The following RBFOX1 variants were observed in gnomAD, a reference collection of about 807,000 sequenced individuals.
RBFOX1 encodes the protein RNA binding fox-1 homolog 1, also known as RNA binding protein fox-1 homolog 1.
In RBFOX1, 8 loss-of-function variants were observed where a neutral mutation model predicts 57.7. The observed-to-expected ratio is 0.14, with a 90% confidence interval of 0.08 to 0.25. The LOEUF (loss-of-function observed/expected upper bound fraction) is 0.25, where lower values mean the gene tolerates loss of function less well. Ranked by LOEUF, RBFOX1 falls within the 10% of genes least tolerant of loss-of-function variation. The probability of loss-of-function intolerance (pLI) is 1.00; values close to 1 mark genes in which losing one functional copy is unlikely to be tolerated. For missense variants in RBFOX1, 611 were observed against 548.5 expected (o/e 1.11, Z -1.14); for synonymous variants, 326 against 222.4 (o/e 1.47, Z -4.15).
intron 4 of RBFOX1, among the ~76,000 whole-genome samples, chr16:7,438,233 C>T (rs1323648743): frequency 2.0e-5 from 3 of 152,054 alleles, no homozygotes; most frequent in African/African-American, 4.8e-5. Context: ...TTCTTCATGT[C>T]CTCTCTCTAT....
chr16:7,143,821 A>G (rs771447749), intron 4 of RBFOX1, among the ~76,000 whole-genome samples: 2 of 152,156 alleles, frequency 1.3e-5, no homozygotes, highest in Middle Eastern at 3.2e-3. Flanking sequence ...TACACAGTAT[A>G]TCTTACAGGT....
chr16:6,622,628 A>G (rs1470515481), intron 2 of RBFOX1, among the ~76,000 whole-genome samples: 1 of 152,232 alleles, frequency 6.6e-6, no homozygotes, highest in East Asian at 1.9e-4. Flanking sequence ...GGGATAAAAA[A>G]TAAATAAATG....
chr16:7,325,154 A>G (rs2096595073), intron 4 of RBFOX1, among the ~76,000 whole-genome samples: 1 of 152,198 alleles, frequency 6.6e-6, no homozygotes, highest in Admixed American at 6.5e-5. Flanking sequence ...TGTCACTATG[A>G]CAACTATCAA....
chr16:6,004,910 G>C (rs2060666606), intron 4 of RBFOX1, among the ~76,000 whole-genome samples: 1 of 152,186 alleles, frequency 6.6e-6, no homozygotes, highest in African/African-American at 2.4e-5. Context: ...CGTGCAGTGT[G>C]TTAGATGAAG....
chr16:5,261,988 A>C (rs907643610), intron 1 of RBFOX1, among the ~76,000 whole-genome samples: 1 of 152,026 alleles, frequency 6.6e-6, no homozygotes, highest in Non-Finnish European at 1.5e-5. Flanking sequence ...CTTCTTTTAT[A>C]CTCTTTTGAT....
chr16:6,063,464 GACACACACACACAC>G (rs772720519), intron 1 of RBFOX1, among the ~76,000 whole-genome samples: 2,051 of 86,484 alleles, frequency 0.024, 20 homozygotes, highest in Middle Eastern at 0.06. Flanking sequence ...CTCTTTCTCC[GACACACACACACAC>G]ACACACACAC....
At chr16:5,832,254 A>C (rs893057862) in intron 3 of RBFOX1, among the ~76,000 whole-genome samples, 1 of 152,252 alleles carries the variant, frequency 6.6e-6, no homozygotes, top group East Asian at 1.9e-4. Flanking sequence ...CTCCTGAAAC[A>C]GGAGTAAGGC....
At chr16:5,941,215 A>C (rs778186950) in intron 4 of RBFOX1, among the ~76,000 whole-genome samples, 2 of 152,094 alleles carry the variant, frequency 1.3e-5, no homozygotes, top group Admixed American at 1.3e-4. Context: ...AGGGCCCAGG[A>C]GTGATTGCTC....
At chr16:5,263,637 T>G (rs888241272) in intron 1 of RBFOX1, among the ~76,000 whole-genome samples, 5 of 151,926 alleles carry the variant, frequency 3.3e-5, no homozygotes, top group Middle Eastern at 3.2e-3. Flanking sequence ...GAAGGTAGTT[T>G]GGGAAAGGAG....
intron 11 of RBFOX1, among the ~76,000 whole-genome samples, chr16:7,642,299 G>A (rs911592763): frequency 2.6e-5 from 4 of 152,142 alleles, no homozygotes; most frequent in African/African-American, 9.7e-5. Context: ...TTTGGGCATT[G>A]ATCAAAGGAT....
chr16:7,296,914 C>G (rs190731957), intron 4 of RBFOX1, among the ~76,000 whole-genome samples: 1 of 152,262 alleles, frequency 6.6e-6, no homozygotes, highest in East Asian at 1.9e-4. Context: ...TTTCTGTTTA[C>G]CCTCAAAAAT....
chr16:7,225,905 A>AATAAATATAT (rs66510060), intron 4 of RBFOX1, among the ~76,000 whole-genome samples: 5 of 93,742 alleles, frequency 5.3e-5, no homozygotes, highest in East Asian at 2.2e-4. Context: ...AAGTATAATA[A>AATAAATATAT]ATATATATAT....
intron 4 of RBFOX1, among the ~76,000 whole-genome samples, chr16:7,509,143 C>T (rs149636562): frequency 3.4e-4 from 51 of 152,178 alleles, no homozygotes; most frequent in African/African-American, 1.1e-3. Context: ...GAAAAGAAAA[C>T]GATAAGCCAT....
chr16:6,939,453 A>G (rs2153493616), intron 3 of RBFOX1, among the ~76,000 whole-genome samples: 1 of 151,744 alleles, frequency 6.6e-6, no homozygotes, highest in Middle Eastern at 3.4e-3. Context: ...TATCTGGGTT[A>G]ATGAATGTGC....
chr16:6,480,937 A>G (rs1203736321), intron 2 of RBFOX1, among the ~76,000 whole-genome samples: 1 of 152,136 alleles, frequency 6.6e-6, no homozygotes, highest in Non-Finnish European at 1.5e-5. Context: ...CTAGATGGGT[A>G]TTTAGTCTGT....
chr16:5,413,636 C>G (rs942779938), intron 1 of RBFOX1, among the ~76,000 whole-genome samples: 1 of 152,190 alleles, frequency 6.6e-6, no homozygotes, highest in African/African-American at 2.4e-5. Context: ...ATTCGTTTAA[C>G]TCTCATTACT....
intron 3 of RBFOX1, among the ~76,000 whole-genome samples, chr16:6,968,204 G>C (rs139332378): frequency 2.7e-3 from 410 of 152,302 alleles, no homozygotes; most frequent in African/African-American, 6.8e-3. Context: ...TTTCAGTTCA[G>C]AGTGACTGAC....
chr16:5,272,875 C>A (rs149279949), intron 1 of RBFOX1, among the ~76,000 whole-genome samples: 2 of 152,222 alleles, frequency 1.3e-5, no homozygotes, highest in Non-Finnish European at 2.9e-5. Flanking sequence ...GAGCTGACTG[C>A]AAGGTGCTTG....
At chr16:7,504,771 TTATA>T (rs1200144121) in intron 4 of RBFOX1, among the ~76,000 whole-genome samples, 1,794 of 49,744 alleles carry the variant, frequency 0.036, 155 homozygotes, top group East Asian at 0.17. Context: ...ATATATATAT[TTATA>T]TATATATATA....
Sources: gnomAD v4.1 joint callset for allele counts (sites outside exome capture counted in the v4.1 genomes callset) on GRCh38, gnomAD v4.1.1 for gene constraint, MANE v1.5 for transcripts, NCBI Gene and HGNC (gene_info 2026-07-23, HGNC 2026-07-21) for gene names.